PARD3B: variants seen among roughly 807,000 people sequenced by gnomAD.
PARD3B encodes the protein partitioning defective 3 homolog B.
A neutral mutation model predicts 130.2 loss-of-function variants in PARD3B; 103 were observed. The observed-to-expected ratio is 0.79, with a 90% CI of 0.67 to 0.93. The LOEUF is 0.93. Among genes scored for constraint, PARD3B ranks in the 40% least tolerant of loss-of-function variants. PARD3B has a pLI of 0.00. For synonymous variants in PARD3B, 583 were observed against 553.2 expected, an observed-to-expected ratio of 1.05 and a Z score of -0.76; for missense variants, 1,609 against 1,499.2, an observed-to-expected ratio of 1.07 and a Z score of -1.21.
chr2:205,003,943 C>T (rs1695051582), intron 3 of PARD3B, among the ~76,000 whole-genome samples: 1 of 152,102 alleles, frequency 6.6e-6, no homozygotes, highest in Non-Finnish European at 1.5e-5. Context: ...TTGTTGTAGA[C>T]ACTCAGAATA....
chr2:205,031,041 A>G (rs572639044), intron 3 of PARD3B, among the ~76,000 whole-genome samples: 153 of 152,300 alleles, frequency 1.0e-3, no homozygotes, highest in South Asian at 2.5e-3. Flanking sequence ...GGACATGAGC[A>G]TCACAAGCCT....
chr2:204,862,189 C>T (rs771372571), intron 2 of PARD3B, among the ~76,000 whole-genome samples: 4 of 152,066 alleles, frequency 2.6e-5, no homozygotes, highest in Non-Finnish European at 5.9e-5. Flanking sequence ...GCTCTTTTTC[C>T]TTGTCCTCAT....
intron 18 of PARD3B, among the ~76,000 whole-genome samples, chr2:205,363,880 T>A (rs2044495492): frequency 7.2e-6 from 1 of 138,276 alleles, no homozygotes; most frequent in Non-Finnish European, 1.5e-5. Flanking sequence ...TTGGCCAGGC[T>A]GGTCTTGAAC....
intron 2 of PARD3B, among the ~76,000 whole-genome samples, chr2:204,731,182 A>G (rs901528360): frequency 7.9e-5 from 12 of 152,214 alleles, no homozygotes; most frequent in African/African-American, 1.7e-4. Context: ...AATATTAAAC[A>G]ATTAATGCTT....
intron 1 of PARD3B, among the ~76,000 whole-genome samples, chr2:204,568,019 T>C (rs1307482346): frequency 6.6e-6 from 1 of 152,176 alleles, no homozygotes; most frequent in Non-Finnish European, 1.5e-5. Context: ...AACTAAAATA[T>C]TTAGAATAAT....
chr2:204,734,581 A>C (rs2039662718), intron 2 of PARD3B, among the ~76,000 whole-genome samples: 1 of 152,212 alleles, frequency 6.6e-6, no homozygotes, highest in African/African-American at 2.4e-5. Flanking sequence ...CAGTGGAACA[A>C]CTACTTTTAC....
At chr2:205,315,289 G>A (rs1018868654) in intron 18 of PARD3B, among the ~76,000 whole-genome samples, 2 of 152,082 alleles carry the variant, frequency 1.3e-5, no homozygotes, top group African/African-American at 4.8e-5. Context: ...TTCCTCTCTT[G>A]TGAAATTGAA....
chr2:205,172,408 C>T, intron 12 of PARD3B, 27 bp downstream of exon 12: 1 of 1,599,314 alleles, frequency 6.3e-7, no homozygotes, highest in Non-Finnish European at 8.5e-7. Context: ...TTCTCCTCAG[C>T]CAGTTGCCCA....
At position 204,908,846 on chromosome 2, in the gene PARD3B, A is replaced by G. The variant is rs185248688; in HGVS notation, c.223-56306A>G. Among the ~76,000 whole-genome samples the G allele has an allele frequency of 1.2e-4, 19 of 152,310 alleles. No homozygotes were observed. The East Asian group carries it at 3.7e-3, about 29-fold the overall frequency. ...TTTACTTTTTCTGTAGTTCTGTTAG[A>G]TTACTTGACCAAGGGGTTTCCATAA... is the stretch of plus-strand genomic sequence containing the variant. On this transcript the variant is annotated intron_variant, in intron 2 of 22. Coordinates refer to ENST00000406610, the MANE Select transcript of PARD3B (RefSeq NM_001302769.2).
chr2:204,681,331 A>G (rs1165720887), intron 1 of PARD3B, among the ~76,000 whole-genome samples: 4 of 152,174 alleles, frequency 2.6e-5, no homozygotes, highest in Non-Finnish European at 5.9e-5. Context: ...TATGTAATTA[A>G]AGGTTTATAA....
chr2:205,412,365 A>G (rs2046629525), intron 19 of PARD3B, among the ~76,000 whole-genome samples: 1 of 152,174 alleles, frequency 6.6e-6, no homozygotes, highest in South Asian at 2.1e-4. Context: ...AGCCCCCTCA[A>G]CCATATTAAA....
chr2:204,547,954 C>T (rs913147934), intron 1 of PARD3B, among the ~76,000 whole-genome samples: 2 of 152,112 alleles, frequency 1.3e-5, no homozygotes, highest in Admixed American at 1.3e-4. Flanking sequence ...TTATATTTTT[C>T]TGTTTACATT....
chr2:204,930,445 T>A lies in PARD3B; in HGVS notation c.223-34707T>A, dbSNP rs548751547. Among the ~76,000 whole-genome samples, 7 of 152,208 alleles carry A rather than the reference T, an allele frequency of 4.6e-5. No individual in the cohort carries two copies. The East Asian group carries it at 1.4e-3, about 29-fold the overall frequency. On this transcript the variant is annotated intron_variant, in intron 2 of 22. Transcript: ENST00000406610. ...GTAATACTCTATTGTTTAAAATTTT[T>A]ATTATTTTTATTATTTTTACTTTTG...
At chr2:205,501,819 A>G (rs2050168671) in intron 21 of PARD3B, among the ~76,000 whole-genome samples, 1 of 152,172 alleles carries the variant, frequency 6.6e-6, no homozygotes, top group African/African-American at 2.4e-5. Context: ...CTAGATAACT[A>G]TACCCTTGGG....
At chr2:205,181,830 C>T (rs1054023295) in intron 13 of PARD3B, among the ~76,000 whole-genome samples, 9 of 152,198 alleles carry the variant, frequency 5.9e-5, no homozygotes, top group South Asian at 2.1e-4. Flanking sequence ...TAGATATATA[C>T]GAAATGACCA....
At chr2:204,802,245 C>T (rs968211356) in intron 2 of PARD3B, among the ~76,000 whole-genome samples, 2 of 152,140 alleles carry the variant, frequency 1.3e-5, no homozygotes, top group African/African-American at 4.8e-5. Flanking sequence ...AACAAAAGCT[C>T]ATCATCAATG....
At position 205,249,011 on chromosome 2, in the gene PARD3B, T is replaced by TG. The variant is rs943087840; in HGVS notation, c.2185+3189_2185+3190insG. Among the ~76,000 whole-genome samples, 7 of 143,304 alleles carry TG rather than the reference T, an allele frequency of 4.9e-5. No individual in the cohort carries two copies. In the East Asian group the frequency reaches 1.3e-3, roughly 26 times the overall value. The allele number at this position is 143,304 out of a possible 152,430, so 94.0% of individuals were successfully genotyped here. Reference sequence around the variant, plus strand: ...ATATTTAGGTTAAAATAAGAGTTTTTTTTTTTTTTTTTTTTTGAGACAGAT... The same window carrying TG: ...ATATTTAGGTTAAAATAAGAGTTTTTGTTTTTTTTTTTTTTTTGAGACAGAT... On this transcript the variant is annotated intron_variant, in intron 16 of 22. Coordinates refer to ENST00000406610, the MANE Select transcript of PARD3B (RefSeq NM_001302769.2).
intron 2 of PARD3B, among the ~76,000 whole-genome samples, chr2:204,708,089 T>C (rs2038263685): frequency 6.6e-6 from 1 of 152,122 alleles, no homozygotes; most frequent in African/African-American, 2.4e-5. Flanking sequence ...GAGCAAGTAC[T>C]CTTCTGTGAC....
intron 4 of PARD3B, among the ~76,000 whole-genome samples, chr2:205,068,199 T>G (rs567209696): frequency 6.6e-6 from 1 of 152,322 alleles, no homozygotes; most frequent in African/African-American, 2.4e-5. Flanking sequence ...AGAAGATGAC[T>G]TACTCAGATT....
Sources: gnomAD v4.1 joint callset for allele counts (sites outside exome capture counted in the v4.1 genomes callset) on GRCh38, gnomAD v4.1.1 for gene constraint, MANE v1.5 for transcripts, NCBI Gene and HGNC (gene_info 2026-07-23, HGNC 2026-07-21) for gene names.